Variants in ITPR2 observed in about 807,000 individuals in gnomAD.
ITPR2 encodes inositol 1,4,5-trisphosphate-gated calcium channel ITPR2.
Under a neutral mutation model 317.1 loss-of-function variants are expected in ITPR2, and 207 were observed. The ratio of observed to expected loss-of-function variants is 0.65; its 90% CI spans 0.58 to 0.73. The LOEUF (loss-of-function observed/expected upper bound fraction) is 0.73. Among genes scored for constraint, ITPR2 ranks in the 30% least tolerant of loss-of-function variants. ITPR2 has a pLI of 0.00. For synonymous variants in ITPR2, 1,156 were observed against 1,149.1 expected, an observed-to-expected ratio of 1.01 and a Z score of -0.12; for missense variants, 2,613 against 3,284.0, an observed-to-expected ratio of 0.80 and a Z score of 4.99.
intron 55 of ITPR2, among the ~76,000 whole-genome samples, chr12:26,355,408 C>G (rs1208037675): frequency 8.0e-5 from 2 of 25,124 alleles, no homozygotes; most frequent in Non-Finnish European, 1.9e-4. Flanking sequence ...TTTATTGGAT[C>G]TGGACCAACT....
chr12:26,624,710 C>G (rs1019057188), intron 23 of ITPR2, among the ~76,000 whole-genome samples: 4 of 151,590 alleles, frequency 2.6e-5, no homozygotes, highest in African/African-American at 9.7e-5. Flanking sequence ...ACAAGGGAAC[C>G]CTCATACACT....
chr12:26,374,460 T>C (rs753787770), intron 55 of ITPR2, among the ~76,000 whole-genome samples: 2 of 152,232 alleles, frequency 1.3e-5, no homozygotes, highest in Non-Finnish European at 2.9e-5. Context: ...GACCTTTGCC[T>C]AACCTATAAA....
At chr12:26,713,722 A>C (rs1400656121) in intron 8 of ITPR2, among the ~76,000 whole-genome samples, 1 of 152,216 alleles carries the variant, frequency 6.6e-6, no homozygotes. Context: ...CAGGTAACTC[A>C]CTGTATTTCA....
In ITPR2 at chr12:26,663,747, A is replaced by G; in HGVS notation, c.1651T>C (p.Tyr551His). 6.2e-7 allele frequency: 1 copy of G among 1,614,046 alleles called. No individual in the cohort carries two copies. The highest frequency in any genetic ancestry group is 8.5e-7 in the Non-Finnish European group (1 of 1,179,974). Residue 551 changes from tyrosine (Y) to histidine (H), a missense_variant, in exon 15 of 57, where the codon TAC becomes CAC. By Grantham distance (83) the Tyr-to-His change is moderately conservative (BLOSUM62 2). Around this residue, in one of 9 missense-constraint regions of ITPR2, gnomAD observed 515 missense variants for 789.4 expected, o/e 0.65. Transcript: ENST00000381340. ...LGDQRYAPYK[Y>H]MLRLCYRVLR... ...ACGCGGTAACAGAGCCGCAGCATGT[A>G]CTTGTAGGGTGCATATCTTTGATCC... is the stretch of plus-strand genomic sequence containing the variant.
intron 31 of ITPR2, 42 bp from the exon 32 acceptor site, chr12:26,595,632 T>A (rs774313120): frequency 1.4e-6 from 2 of 1,456,308 alleles, no homozygotes; most frequent in African/African-American, 2.9e-5. Context: ...GTTTTCTTTA[T>A]TGATGACTTT....
intron 45 of ITPR2, among the ~76,000 whole-genome samples, chr12:26,467,196 AATAT>A (rs1942188547): frequency 6.6e-6 from 1 of 152,218 alleles, no homozygotes; most frequent in Admixed American, 6.5e-5. Context: ...CCTTAAAATG[AATAT>A]AGCTCAAGCA....
At chr12:26,614,676 A>G (rs1247237302) in intron 26 of ITPR2, among the ~76,000 whole-genome samples, 4 of 152,220 alleles carry the variant, frequency 2.6e-5, no homozygotes, top group African/African-American at 9.6e-5. Context: ...TTAAACATAT[A>G]CTGCTAAGTA....
At chr12:26,350,014 A>T (rs895198301) in intron 55 of ITPR2, among the ~76,000 whole-genome samples, 1 of 152,326 alleles carries the variant, frequency 6.6e-6, no homozygotes, top group South Asian at 2.1e-4. Context: ...TAGGCAGCAC[A>T]GCCATGATGG....
intron 45 of ITPR2, among the ~76,000 whole-genome samples, chr12:26,452,397 G>T (rs1412074849): frequency 1.3e-5 from 2 of 151,744 alleles, no homozygotes; most frequent in Non-Finnish European, 2.9e-5. Flanking sequence ...AATGAGATTA[G>T]GATCAGAAAT....
intron 21 of ITPR2, among the ~76,000 whole-genome samples, chr12:26,644,467 G>C (rs1434073733): frequency 6.6e-6 from 1 of 152,170 alleles, no homozygotes; most frequent in African/African-American, 2.4e-5. Flanking sequence ...TGCTAATAAA[G>C]ACACACCCGA....
intron 45 of ITPR2, among the ~76,000 whole-genome samples, chr12:26,471,257 AACATGGTTTAATATATATTGG>A (rs1942285343): frequency 1.3e-5 from 2 of 152,228 alleles, no homozygotes; most frequent in South Asian, 2.1e-4. Flanking sequence ...AGAATGAAAC[AACATGGTTTAATATATATTGG>A]ACATGGTTTA....
chr12:26,347,407 T>C (rs1287668575), intron 55 of ITPR2, among the ~76,000 whole-genome samples: 3 of 152,162 alleles, frequency 2.0e-5, no homozygotes, highest in Non-Finnish European at 4.4e-5. Context: ...GTGGGCTGCC[T>C]ACCAAATGGC....
intron 35 of ITPR2, among the ~76,000 whole-genome samples, chr12:26,556,618 G>A (rs758877521): frequency 6.7e-6 from 1 of 149,416 alleles, no homozygotes; most frequent in East Asian, 2.0e-4. Context: ...GATAAGGGAC[G>A]GACAGGTAGC....
chr12:26,823,708 T>C (rs1375049748), intron 1 of ITPR2, among the ~76,000 whole-genome samples: 1 of 152,224 alleles, frequency 6.6e-6, no homozygotes, highest in Admixed American at 6.5e-5. Context: ...TTATTCTTAA[T>C]TCAAGGTTGG....
Position 26,796,063 on chromosome 12 carries a change from T to C in ITPR2, c.93-5836A>G, listed in dbSNP as rs1017423678. On this transcript the variant is annotated intron_variant, in intron 1 of 56. Coordinates refer to ENST00000381340, the MANE Select transcript of ITPR2 (RefSeq NM_002223.4). The stretch of plus-strand genomic sequence containing the variant: ...GGTCTATGTTCCACTGTTGAAGCCA[T>C]ATACAGTGGCACAAGCTGCACCTGC... 2.6e-5 allele frequency among the ~76,000 whole-genome samples: 4 copies of C among 151,104 alleles called. No individual in the cohort carries two copies. The East Asian group carries it at 7.8e-4, about 29-fold the overall frequency.
intron 36 of ITPR2, among the ~76,000 whole-genome samples, chr12:26,555,373 T>G (rs1158700021): frequency 6.6e-6 from 1 of 152,168 alleles, no homozygotes; most frequent in East Asian, 1.9e-4. Context: ...CAAGCTCATC[T>G]CACTGACTCT....
intron 20 of ITPR2, among the ~76,000 whole-genome samples, chr12:26,655,495 T>A (rs1947349624): frequency 2.0e-5 from 3 of 151,414 alleles, no homozygotes; most frequent in Non-Finnish European, 4.4e-5. Context: ...GCGCCTGTAG[T>A]CCCAGCTACT....
intron 55 of ITPR2, among the ~76,000 whole-genome samples, chr12:26,375,926 C>T (rs542951857): frequency 6.6e-6 from 1 of 152,296 alleles, no homozygotes; most frequent in Admixed American, 6.5e-5. Context: ...TGGAAAAACC[C>T]CGCCTCAACT....
In ITPR2 at chr12:26,364,748, G is replaced by A. The variant is rs576981112; in HGVS notation, c.7857+22686C>T. On this transcript the variant is annotated intron_variant, in intron 55 of 56. Coordinates refer to ENST00000381340, the MANE Select transcript of ITPR2 (RefSeq NM_002223.4). ...TCCTGCTTGAAAATCAATTTATCTT[G>A]TTAAATCAATGCATAGGTATTCTGA... Among the ~76,000 whole-genome samples the A allele has an allele frequency of 3.9e-5, 6 of 152,166 alleles. No individual in the cohort carries two copies. In the South Asian group the frequency reaches 1.2e-3, roughly 32 times the overall value.
Sources: gnomAD v4.1 joint callset for allele counts (sites outside exome capture counted in the v4.1 genomes callset) on GRCh38, gnomAD v4.1.1 for gene constraint, gnomAD v4.1.1 regional missense constraint, MANE v1.5 for transcripts, NCBI Gene and HGNC (gene_info 2026-07-23, HGNC 2026-07-21) for gene names.